The following GDPD4 variants were observed in gnomAD, a reference collection of about 807,000 sequenced individuals.
The protein encoded by GDPD4 is glycerophosphodiester phosphodiesterase domain containing 4, also known as glycerophosphodiester phosphodiesterase 6.
GDPD4 carries 60 observed loss-of-function variants against 67.8 expected under a neutral mutation model. That is an observed-to-expected ratio of 0.88 (90% CI 0.72 to 1.10). The LOEUF is 1.10. Ranked by LOEUF, GDPD4 falls within the 50% of genes least tolerant of loss-of-function variation. The pLI is 0.00. For missense variants in GDPD4, 623 were observed against 613.9 expected, an observed-to-expected ratio of 1.01 and a Z score of -0.16; for synonymous variants, 212 against 210.9, an observed-to-expected ratio of 1.00 and a Z score of -0.04.
At chr11:77,242,483 T>C (rs1958687633) in intron 13 of GDPD4, among the ~76,000 whole-genome samples, 1 of 152,142 alleles carries the variant, frequency 6.6e-6, no homozygotes. Context: ...CAGGTACCAC[T>C]GTTATTCTAA....
chr11:77,274,798 A>T (rs1167670570), intron 5 of GDPD4, among the ~76,000 whole-genome samples: 1 of 152,182 alleles, frequency 6.6e-6, no homozygotes, highest in East Asian at 1.9e-4. Flanking sequence ...TGGTATCAAC[A>T]CTATGCCTGA....
chr11:77,295,325 C>T (rs1351217437), intron 1 of GDPD4, among the ~76,000 whole-genome samples: 1 of 151,008 alleles, frequency 6.6e-6, no homozygotes, highest in East Asian at 2.0e-4. Context: ...AAATGGATCA[C>T]AGACTTAAAT....
intron 1 of GDPD4, among the ~76,000 whole-genome samples, chr11:77,298,831 ATTTT>A (rs200071388): frequency 6.6e-6 from 1 of 151,896 alleles, no homozygotes; most frequent in Non-Finnish European, 1.5e-5. Context: ...GGGGTAAAAT[ATTTT>A]TTTCTTTTTT....
chr11:77,301,440 G>A (rs1485968472), intron 1 of GDPD4, among the ~76,000 whole-genome samples, 165 bp downstream of exon 1: 11 of 152,124 alleles, frequency 7.2e-5, no homozygotes, highest in Non-Finnish European at 1.6e-4. Flanking sequence ...TACTGAACAG[G>A]AGGTCCAGGC....
At chr11:77,245,561 G>T in intron 11 of GDPD4, 59 bp from the exon 12 acceptor site, 1 of 1,158,280 alleles carries the variant, frequency 8.6e-7, no homozygotes, top group Non-Finnish European at 1.3e-6. Flanking sequence ...CTACTATGTA[G>T]CCACACATCC....
At chr11:77,260,242 G>T (rs1460507379) in intron 10 of GDPD4, among the ~76,000 whole-genome samples, 1 of 149,780 alleles carries the variant, frequency 6.7e-6, no homozygotes, top group Admixed American at 6.6e-5. Context: ...GGAGGCGGAG[G>T]TTGCAGTTAG....
chr11:77,300,314 C>T (rs919208606), intron 1 of GDPD4, among the ~76,000 whole-genome samples: 1 of 152,176 alleles, frequency 6.6e-6, no homozygotes, highest in African/African-American at 2.4e-5. Flanking sequence ...ATAAGAACCC[C>T]TTCCCCTCCC....
intron 11 of GDPD4, among the ~76,000 whole-genome samples, chr11:77,255,753 C>T (rs1050378875): frequency 1.3e-5 from 2 of 151,750 alleles, no homozygotes; most frequent in Non-Finnish European, 2.9e-5. Context: ...CCCAATTACT[C>T]GAGAGGCTGA....
Position 77,245,334 on chromosome 11 carries a change from A to T in GDPD4, c.1033T>A (p.Phe345Ile). 6.2e-7 allele frequency: 1 copy of T among 1,614,172 alleles called. No individual in the cohort carries two copies. Among genetic ancestry groups the T allele is most frequent in the Non-Finnish European group, 8.5e-7 (1 of 1,180,024 alleles). ...PPPKHPLRHT[F>I]VRQVVSVILA... Reference sequence around the variant, plus strand: ...ATCACGCTTACTACTTGGCGGACAAATGTGTGTCTGAGAGGATGTTTTGGT... The same window carrying T: ...ATCACGCTTACTACTTGGCGGACAATTGTGTGTCTGAGAGGATGTTTTGGT... Residue 345 changes from phenylalanine (F) to isoleucine (I), a missense_variant, in exon 12 of 17, where the codon TTT (phenylalanine) becomes ATT (isoleucine). Transcript: ENST00000315938.
chr11:77,242,468 T>C (rs1958687384), intron 13 of GDPD4, among the ~76,000 whole-genome samples: 1 of 152,144 alleles, frequency 6.6e-6, no homozygotes, highest in South Asian at 2.1e-4. Flanking sequence ...TTTTAACCAC[T>C]CCAGCAGGTA....
intron 5 of GDPD4, 35 bp downstream of exon 5, chr11:77,276,126 G>T: frequency 6.5e-7 from 1 of 1,531,682 alleles, no homozygotes; most frequent in East Asian, 2.2e-5. Flanking sequence ...TTCAGTCCTG[G>T]TCTAAGGTTT....
chr11:77,224,785 A>G (rs965204821), intron 16 of GDPD4, among the ~76,000 whole-genome samples: 5 of 152,128 alleles, frequency 3.3e-5, no homozygotes, highest in African/African-American at 1.2e-4. Context: ...GGTTTGGAGT[A>G]ATTTTTTAAA....
chr11:77,300,887 T>A (rs1245247397), intron 1 of GDPD4, among the ~76,000 whole-genome samples: 1 of 152,142 alleles, frequency 6.6e-6, no homozygotes, highest in East Asian at 1.9e-4. Flanking sequence ...TATATAGAAC[T>A]TGGTGTGACT....
chr11:77,220,600 G>T (rs149359168), intron 16 of GDPD4, among the ~76,000 whole-genome samples: 338 of 152,234 alleles, frequency 2.2e-3, no homozygotes, highest in Non-Finnish European at 2.1e-3. Flanking sequence ...TGCTGGATTC[G>T]GTTTGCCAGT....
intron 15 of GDPD4, 42 bp downstream of exon 15, chr11:77,229,108 T>A: frequency 3.2e-6 from 3 of 950,236 alleles, no homozygotes; most frequent in Non-Finnish European, 4.7e-6. Context: ...AATAATCCAT[T>A]TATTTTGGAA....
chr11:77,291,645 T>G (rs1565547078), intron 1 of GDPD4, among the ~76,000 whole-genome samples: 1 of 152,204 alleles, frequency 6.6e-6, no homozygotes, highest in Admixed American at 6.5e-5. Context: ...AGTACAAACA[T>G]TATGTACTGA....
chr11:77,254,583 G>C (rs953086852), intron 11 of GDPD4, among the ~76,000 whole-genome samples: 1 of 152,054 alleles, frequency 6.6e-6, no homozygotes, highest in Non-Finnish European at 1.5e-5. Context: ...TCATTAATGT[G>C]ATAAATAAAA....
chr11:77,250,345 T>C (rs1958866059), intron 11 of GDPD4, among the ~76,000 whole-genome samples: 1 of 152,182 alleles, frequency 6.6e-6, no homozygotes, highest in Non-Finnish European at 1.5e-5. Flanking sequence ...CAGTATTTGG[T>C]TTTCTGAGCC....
chr11:77,267,462 G>C (rs918591271), intron 10 of GDPD4, among the ~76,000 whole-genome samples: 3 of 152,176 alleles, frequency 2.0e-5, no homozygotes. Flanking sequence ...TTGTCTGCCA[G>C]CATTTACTGT....
Sources: allele counts gnomAD v4.1 joint callset (sites outside exome capture counted in the v4.1 genomes callset), GRCh38; gene constraint gnomAD v4.1.1; transcripts MANE v1.5; gene names NCBI Gene and HGNC (gene_info 2026-07-23, HGNC 2026-07-21).